Variants in SLC35F3 observed in about 807,000 individuals in gnomAD.
SLC35F3 encodes the protein putative thiamine transporter SLC35F3.
A neutral mutation model predicts 49.9 loss-of-function variants in SLC35F3; 25 were observed. The observed-to-expected ratio is 0.50, with a 90% CI of 0.37 to 0.70. The LOEUF (loss-of-function observed/expected upper bound fraction) is 0.70, where lower values mean the gene tolerates loss of function less well. Ranked by LOEUF, SLC35F3 falls within the 30% of genes least tolerant of loss-of-function variation. The pLI, the probability that SLC35F3 is intolerant of heterozygous loss-of-function variation, is 0.00. For missense variants in SLC35F3, 525 were observed against 639.8 expected (o/e 0.82, Z 1.94); for synonymous variants, 275 against 265.4 (o/e 1.04, Z -0.35).
At chr1:234,221,429 G>T (rs1048545711) in intron 2 of SLC35F3, among the ~76,000 whole-genome samples, 2 of 152,186 alleles carry the variant, frequency 1.3e-5, no homozygotes, top group Non-Finnish European at 1.5e-5. Context: ...GGAATGATCG[G>T]CTTTGAAAAG....
At chr1:234,151,777 A>G (rs2102908860) in intron 2 of SLC35F3, among the ~76,000 whole-genome samples, 1 of 152,314 alleles carries the variant, frequency 6.6e-6, no homozygotes, top group East Asian at 1.9e-4. Flanking sequence ...TCAAACATAC[A>G]GCTCATAGTA....
At chr1:234,029,143 C>T (rs1443948425) in intron 2 of SLC35F3, among the ~76,000 whole-genome samples, 10 of 152,096 alleles carry the variant, frequency 6.6e-5, no homozygotes, top group Non-Finnish European at 1.5e-5. Context: ...GTGATAACAT[C>T]GATTAAGAAA....
rs1663395800 is a variant in SLC35F3 at position 233,993,330 on chromosome 1, G to A, written c.283+87572G>A. ...TCAGTTTTGCTGGGCTGGTGGTCCA[G>A]GGAAGTAGAACTCACCCTTGGAAGA... is the stretch of plus-strand genomic sequence containing the variant. On this transcript the variant is annotated intron_variant, in intron 2 of 7. Transcript: ENST00000366618. Among the ~76,000 whole-genome samples, 5 of 152,218 alleles carry A rather than the reference G, an allele frequency of 3.3e-5. No individual in the cohort carries two copies. In the South Asian group the frequency reaches 1.0e-3, roughly 32 times the overall value.
chr1:234,035,824 C>G (rs1173016333), intron 2 of SLC35F3, among the ~76,000 whole-genome samples: 4 of 152,208 alleles, frequency 2.6e-5, no homozygotes, highest in African/African-American at 7.2e-5. Flanking sequence ...TTTCTCTTAT[C>G]TCTTTGAACA....
chr1:234,154,792 C>G (rs1666126952), intron 2 of SLC35F3, among the ~76,000 whole-genome samples: 1 of 152,230 alleles, frequency 6.6e-6, no homozygotes, highest in African/African-American at 2.4e-5. Context: ...ACTCCAGCCT[C>G]CTTCAGGCCT....
intron 2 of SLC35F3, among the ~76,000 whole-genome samples, chr1:234,084,777 A>C (rs1284490660): frequency 6.6e-6 from 1 of 151,922 alleles, no homozygotes; most frequent in Admixed American, 6.6e-5. Context: ...ATGACATACT[A>C]CCCAACCAGG....
intron 2 of SLC35F3, among the ~76,000 whole-genome samples, chr1:234,062,615 T>A (rs1664557870): frequency 6.6e-6 from 1 of 152,186 alleles, no homozygotes; most frequent in Admixed American, 6.5e-5. Context: ...GCAAATGAAG[T>A]CAATTTCTTT....
chr1:234,202,007 A>G (rs1572092736), intron 2 of SLC35F3, among the ~76,000 whole-genome samples: 1 of 152,152 alleles, frequency 6.6e-6, no homozygotes, highest in Admixed American at 6.5e-5. Context: ...GCTAGACTGA[A>G]TAAAGAAAAT....
chr1:234,294,528 C>A (rs1461904223), intron 3 of SLC35F3, among the ~76,000 whole-genome samples: 2 of 152,188 alleles, frequency 1.3e-5, no homozygotes, highest in Non-Finnish European at 2.9e-5. Flanking sequence ...CACATCCATG[C>A]CAGAGCTTTC....
At position 234,238,421 on chromosome 1, in the gene SLC35F3, G is replaced by C. The variant is rs556723193; in HGVS notation, c.608+6680G>C. Among the ~76,000 whole-genome samples, 10 of 152,268 alleles carry C rather than the reference G, an allele frequency of 6.6e-5. No homozygotes were observed. In the South Asian group the frequency reaches 2.1e-3, roughly 32 times the overall value. On this transcript the variant is annotated intron_variant, in intron 3 of 7. Coordinates refer to ENST00000366618, the MANE Select transcript of SLC35F3 (RefSeq NM_173508.4). ...GGCTGAATAGGTTTGGGTTGTCTCTGCCTGTTTTAAGACAACACTTGCCAT... is the reference window on the plus strand; with the variant it reads ...GGCTGAATAGGTTTGGGTTGTCTCTCCCTGTTTTAAGACAACACTTGCCAT...
At chr1:234,012,278 T>C (rs893583575) in intron 2 of SLC35F3, among the ~76,000 whole-genome samples, 5 of 152,166 alleles carry the variant, frequency 3.3e-5, no homozygotes, top group African/African-American at 1.2e-4. Flanking sequence ...TACAATTGGG[T>C]TTTATACTGA....
chr1:234,238,443 C>G (rs975334675), intron 3 of SLC35F3, among the ~76,000 whole-genome samples: 1 of 152,128 alleles, frequency 6.6e-6, no homozygotes, highest in African/African-American at 2.4e-5. Context: ...ACAACACTTG[C>G]CATATTCAAG....
At chr1:233,995,582 G>A (rs754247163) in intron 2 of SLC35F3, among the ~76,000 whole-genome samples, 1 of 152,206 alleles carries the variant, frequency 6.6e-6, no homozygotes, top group Non-Finnish European at 1.5e-5. Flanking sequence ...CAGGCAGTCA[G>A]CATCCCAAAT....
At chr1:233,981,118 G>A (rs933253924) in intron 2 of SLC35F3, among the ~76,000 whole-genome samples, 2 of 152,170 alleles carry the variant, frequency 1.3e-5, no homozygotes, top group Non-Finnish European at 1.5e-5. Context: ...CCCGCTGGTA[G>A]CATTTTACAT....
chr1:234,017,484 C>T (rs1209727182), intron 2 of SLC35F3, among the ~76,000 whole-genome samples: 4 of 151,832 alleles, frequency 2.6e-5, no homozygotes, highest in Admixed American at 2.0e-4. Flanking sequence ...GAGGCTGAGG[C>T]GGGTGGATCA....
intron 2 of SLC35F3, among the ~76,000 whole-genome samples, chr1:234,198,165 A>C (rs1445573106): frequency 6.6e-6 from 1 of 152,156 alleles, no homozygotes; most frequent in Non-Finnish European, 1.5e-5. Context: ...CTTGATTAGC[A>C]CCTTTTGCTC....
At chr1:234,115,780 C>A (rs1665477072) in intron 2 of SLC35F3, among the ~76,000 whole-genome samples, 1 of 152,072 alleles carries the variant, frequency 6.6e-6, no homozygotes. Context: ...AAATCAAGGG[C>A]ATTTTATTAC....
chr1:233,941,966 T>TGTTC (rs1662431797), intron 2 of SLC35F3, among the ~76,000 whole-genome samples: 1 of 149,056 alleles, frequency 6.7e-6, no homozygotes, highest in Non-Finnish European at 1.5e-5. Flanking sequence ...TTTTTTGTTT[T>TGTTC]TTTTTTTTTT....
rs138829281 is a variant in SLC35F3, at chr1:234,290,790, G to A, written c.609-18311G>A. 4.3e-4 allele frequency among the ~76,000 whole-genome samples: 66 copies of A among 152,334 alleles called. 1 individual carries two copies. The Middle Eastern group carries it at 0.01, about 24-fold the overall frequency. ...ACTTGTTAGAGGAGTTGAGCACCTG[G>A]CCTTAGGATGGAATGAACCAGGACA... is the stretch of plus-strand genomic sequence containing the variant. On this transcript the variant is annotated intron_variant, in intron 3 of 7. Coordinates refer to ENST00000366618, the MANE Select transcript of SLC35F3 (RefSeq NM_173508.4).
Sources: allele counts gnomAD v4.1 joint callset (sites outside exome capture counted in the v4.1 genomes callset), GRCh38; gene constraint gnomAD v4.1.1; transcripts MANE v1.5; gene names NCBI Gene and HGNC (gene_info 2026-07-23, HGNC 2026-07-21).